Variants in RBFOX1 observed in about 807,000 individuals in gnomAD.
RBFOX1 encodes RNA binding fox-1 homolog 1.
Under a neutral mutation model 57.7 loss-of-function variants are expected in RBFOX1, and 8 were observed. The observed-to-expected ratio is 0.14, with a 90% CI of 0.08 to 0.25. The LOEUF is 0.25. Among genes scored for constraint, RBFOX1 ranks in the 10% least tolerant of loss-of-function variants. RBFOX1 has a pLI of 1.00. For synonymous variants in RBFOX1, 326 were observed against 222.4 expected (o/e 1.47, Z -4.15); for missense variants, 611 against 548.5 (o/e 1.11, Z -1.14).
intron 2 of RBFOX1, among the ~76,000 whole-genome samples, chr16:5,547,252 G>A (rs147012569): frequency 1.6e-4 from 25 of 152,272 alleles, no homozygotes; most frequent in African/African-American, 5.8e-4. Flanking sequence ...ATGTCTAGAG[G>A]TATTTATCCA....
At chr16:6,982,454 C>CCG (rs2089182397) in intron 3 of RBFOX1, among the ~76,000 whole-genome samples, 4 of 152,122 alleles carry the variant, frequency 2.6e-5, no homozygotes, top group African/African-American at 4.8e-5. Context: ...TTCATTGCAG[C>CCG]GAGCTCCTTC....
chr16:6,081,722 G>A (rs1012851387), intron 1 of RBFOX1, among the ~76,000 whole-genome samples: 1 of 152,184 alleles, frequency 6.6e-6, no homozygotes, highest in Non-Finnish European at 1.5e-5. Flanking sequence ...GGGGAAGAAG[G>A]TATCTAGCAA....
intron 4 of RBFOX1, among the ~76,000 whole-genome samples, chr16:5,907,326 C>G (rs562870192): frequency 7.9e-5 from 12 of 152,254 alleles, no homozygotes; most frequent in Non-Finnish European, 1.5e-4. Context: ...AGATTTCATG[C>G]CTCTTTCTCT....
At chr16:6,892,911 G>C (rs1043945680) in intron 3 of RBFOX1, among the ~76,000 whole-genome samples, 3 of 149,786 alleles carry the variant, frequency 2.0e-5, no homozygotes, top group African/African-American at 7.4e-5. Flanking sequence ...CTCAGTCTTT[G>C]CTCCTCAGCT....
intron 3 of RBFOX1, among the ~76,000 whole-genome samples, chr16:5,851,287 G>A (rs2056891373): frequency 6.6e-6 from 1 of 152,212 alleles, no homozygotes; most frequent in Non-Finnish European, 1.5e-5. Context: ...CTGGAGACAA[G>A]ATGCTCTGCC....
At chr16:6,675,867 C>T (rs193265878) in intron 3 of RBFOX1, among the ~76,000 whole-genome samples, 13 of 152,144 alleles carry the variant, frequency 8.5e-5, no homozygotes, top group Admixed American at 2.6e-4. Flanking sequence ...CTACAGTTCA[C>T]GATGAGATTT....
At chr16:7,422,325 T>C (rs2098550869) in intron 4 of RBFOX1, among the ~76,000 whole-genome samples, 1 of 152,048 alleles carries the variant, frequency 6.6e-6, no homozygotes, top group Non-Finnish European at 1.5e-5. Context: ...GGAGAGCAAG[T>C]GAGCTGTGAA....
At chr16:5,952,691 G>C (rs73516261) in intron 4 of RBFOX1, among the ~76,000 whole-genome samples, 9,858 of 152,176 alleles carry the variant, frequency 0.065, 1,029 homozygotes, top group African/African-American at 0.22. Flanking sequence ...TCAGAATGCC[G>C]TGTGGTGTGA....
chr16:6,807,405 T>C (rs2087119873), intron 3 of RBFOX1, among the ~76,000 whole-genome samples: 1 of 152,142 alleles, frequency 6.6e-6, no homozygotes, highest in South Asian at 2.1e-4. Flanking sequence ...GTTGGTTGAC[T>C]GAATGGTGGT....
Position 7,256,426 on chromosome 16 carries a change from A to C in RBFOX1, c.27+204328A>C, listed in dbSNP as rs148143616. Among the ~76,000 whole-genome samples, 529 of 152,276 alleles carry C rather than the reference A, an allele frequency of 3.5e-3. 4 individuals carry two copies. Among genetic ancestry groups the C allele is most frequent in the Non-Finnish European group, 5.6e-3 (384 of 68,018 alleles). ...GGCGGCTGTCATGGGAGAAGCCTAC[A>C]CTAGTTTGTCTCAATCTTTTATGGC... On this transcript the variant is annotated intron_variant, in intron 4 of 15. Coordinates refer to ENST00000550418, the MANE Select transcript of RBFOX1 (RefSeq NM_018723.4).
At chr16:7,697,847 A>G (rs2079281711) in intron 14 of RBFOX1, among the ~76,000 whole-genome samples, 1 of 152,146 alleles carries the variant, frequency 6.6e-6, no homozygotes, top group East Asian at 1.9e-4. Context: ...AGTTGTTACT[A>G]TTTGGAAGAG....
At chr16:6,118,691 TCTTCCTTCCTTC>T (rs374833441) in intron 1 of RBFOX1, among the ~76,000 whole-genome samples, 42 of 147,764 alleles carry the variant, frequency 2.8e-4, no homozygotes, top group Admixed American at 6.7e-4. Flanking sequence ...TTCCTTCCTT[TCTTCCTTCCTTC>T]CTTCTTTGTT....
intron 1 of RBFOX1, among the ~76,000 whole-genome samples, chr16:5,253,327 T>C (rs1395093992): frequency 6.6e-6 from 1 of 152,084 alleles, no homozygotes; most frequent in Non-Finnish European, 1.5e-5. Context: ...TTTTTTTGTA[T>C]TTTGAGTAGA....
rs1596303836 is a variant in RBFOX1 at position 5,960,043 on chromosome 16, A to G, written c.351+92708A>G. On this transcript the variant is annotated intron_variant, in intron 4 of 19. Transcript: ENST00000641259. ...TGGTGAAACCCCGTCTCTACTATAAATAAAAAAATTAGCCGGGCATGGTGA... is the reference window on the plus strand; with the variant it reads ...TGGTGAAACCCCGTCTCTACTATAAGTAAAAAAATTAGCCGGGCATGGTGA... 2.6e-5 allele frequency among the ~76,000 whole-genome samples: 4 copies of G among 152,128 alleles called. 1 individual carries two copies. The South Asian group carries it at 6.2e-4, about 24-fold the overall frequency.
At chr16:7,016,371 G>T (rs1193218243) in intron 3 of RBFOX1, among the ~76,000 whole-genome samples, 1 of 152,154 alleles carries the variant, frequency 6.6e-6, no homozygotes, top group African/African-American at 2.4e-5. Flanking sequence ...TTGAGTTTTA[G>T]AAGAAGCCTT....
chr16:7,015,828 A>G (rs1279349824), intron 3 of RBFOX1, among the ~76,000 whole-genome samples: 1 of 151,546 alleles, frequency 6.6e-6, no homozygotes, highest in African/African-American at 2.4e-5. Context: ...AAGAAATATT[A>G]TTCCACAATA....
chr16:6,304,876 C>CAAGAAAAAA (rs2079281264), intron 1 of RBFOX1, among the ~76,000 whole-genome samples: 1 of 79,676 alleles, frequency 1.3e-5, no homozygotes, highest in Non-Finnish European at 2.2e-5. Flanking sequence ...GACCCTGTCT[C>CAAGAAAAAA]AAAAAAAAAA....
Position 7,056,151 on chromosome 16 carries a change from TG to T in RBFOX1, c.27+4054del, listed in dbSNP as rs557475988. Reference sequence around the variant, plus strand: ...ATTAGTAACCAGCTCAGCCCACAGATGCTGTCCATGAGCTTCCTGTCCCCTA... The same window carrying T: ...ATTAGTAACCAGCTCAGCCCACAGATCTGTCCATGAGCTTCCTGTCCCCTA... On this transcript the variant is annotated intron_variant, in intron 4 of 15. Transcript: ENST00000550418. Among the ~76,000 whole-genome samples the T allele has an allele frequency of 3.0e-4, 46 of 152,300 alleles. No individual in the cohort carries two copies. The East Asian group carries it at 8.3e-3, about 28-fold the overall frequency.
At chr16:7,530,360 C>G (rs982672938) in intron 5 of RBFOX1, among the ~76,000 whole-genome samples, 9 of 152,126 alleles carry the variant, frequency 5.9e-5, no homozygotes, top group African/African-American at 2.2e-4. Context: ...TTGAAATAGA[C>G]AAAGTCCCAA....
Sources: allele counts gnomAD v4.1 joint callset (sites outside exome capture counted in the v4.1 genomes callset), GRCh38; gene constraint gnomAD v4.1.1; transcripts MANE v1.5; gene names NCBI Gene and HGNC (gene_info 2026-07-23, HGNC 2026-07-21).